VIPR2: variants seen among roughly 807,000 people sequenced by gnomAD.
VIPR2 encodes vasoactive intestinal polypeptide receptor 2.
Under a neutral mutation model 58.0 loss-of-function variants are expected in VIPR2, and 48 were observed. The observed-to-expected ratio is 0.83, with a 90% confidence interval of 0.66 to 1.05. The LOEUF (loss-of-function observed/expected upper bound fraction) is 1.05. Ranked by LOEUF, VIPR2 falls within the 50% of genes least tolerant of loss-of-function variation. The probability of loss-of-function intolerance (pLI) is 0.00; values close to 1 mark genes in which losing one functional copy is unlikely to be tolerated. For synonymous variants in VIPR2, 243 were observed against 235.2 expected (o/e 1.03, Z -0.30); for missense variants, 534 against 558.0 (o/e 0.96, Z 0.43).
At chr7:159,044,603 A>C (rs200949701) in intron 5 of VIPR2, among the ~76,000 whole-genome samples, 6 of 144,966 alleles carry the variant, frequency 4.1e-5, no homozygotes, top group South Asian at 4.4e-4. Context: ...AAAAAAAAAA[A>C]CCTAAAACAA....
intron 4 of VIPR2, among the ~76,000 whole-genome samples, chr7:159,089,749 C>A (rs1190304797): frequency 6.6e-6 from 1 of 152,202 alleles, no homozygotes; most frequent in Non-Finnish European, 1.5e-5. Context: ...ACAAAAAGTG[C>A]ACGGGACCCT....
At chr7:159,120,052 T>G (rs1192751321) in intron 2 of VIPR2, among the ~76,000 whole-genome samples, 1 of 152,134 alleles carries the variant, frequency 6.6e-6, no homozygotes. Context: ...AGCTTGTCCC[T>G]GGTGGCATCT....
chr7:159,083,020 G>A (rs1856992012), intron 4 of VIPR2, among the ~76,000 whole-genome samples: 1 of 152,190 alleles, frequency 6.6e-6, no homozygotes, highest in Non-Finnish European at 1.5e-5. Context: ...TTCAAGAATA[G>A]AGCAGAAGGG....
Position 159,137,721 on chromosome 7 carries a change from T to C in VIPR2, c.151+4725A>G, listed in dbSNP as rs1488365450. ...CCAACCAATAAACAGTTATTAATTA[T>C]TTAAATATCCAAGACGAGGAAATGA... On this transcript the variant is annotated intron_variant, in intron 2 of 12. Coordinates refer to ENST00000262178, the MANE Select transcript of VIPR2 (RefSeq NM_003382.5). 3.9e-5 allele frequency among the ~76,000 whole-genome samples: 6 copies of C among 152,312 alleles called. No homozygotes were observed. In the East Asian group the frequency reaches 1.2e-3, roughly 29 times the overall value.
At chr7:159,061,756 C>T (rs551955150) in intron 4 of VIPR2, among the ~76,000 whole-genome samples, 14 of 152,350 alleles carry the variant, frequency 9.2e-5, no homozygotes, top group African/African-American at 3.4e-4. Context: ...GTTGAGAAAG[C>T]GGGAGAAGCC....
Position 159,038,040 on chromosome 7 carries a change from A to G in VIPR2, c.598-1138T>C, listed in dbSNP as rs549301087. ...TATCCCTATAAATATATACGGGTGAATATACTTTTTTATATATGGGTGGGT... is the reference window on the plus strand; with the variant it reads ...TATCCCTATAAATATATACGGGTGAGTATACTTTTTTATATATGGGTGGGT... On this transcript the variant is annotated intron_variant, in intron 6 of 12. Coordinates refer to ENST00000262178, the MANE Select transcript of VIPR2 (RefSeq NM_003382.5). Among the ~76,000 whole-genome samples, 3 of 152,298 alleles carry G rather than the reference A, an allele frequency of 2.0e-5. No individual in the cohort carries two copies. In the South Asian group the frequency reaches 6.2e-4, roughly 32 times the overall value.
At chr7:159,112,646 AC>A in intron 2 of VIPR2, among the ~76,000 whole-genome samples, 1 of 145,258 alleles carries the variant, frequency 6.9e-6, no homozygotes, top group South Asian at 2.1e-4. Context: ...AACCGACGGG[AC>A]CCGGCCGAGA....
In VIPR2 at chr7:159,030,675, G is replaced by A. The variant is rs1230065933; in HGVS notation, c.1258C>T (p.Gln420Ter). The A allele has an allele frequency of 1.9e-6, 3 of 1,567,044 alleles. No homozygotes were observed. Among genetic ancestry groups the A allele is most frequent in the Non-Finnish European group, 2.6e-6 (3 of 1,157,576 alleles). The change falls in exon 13 of 13, where the codon CAG (glutamine) becomes TAG (stop). Residue 420 changes from glutamine to a stop codon, truncating the protein, a stop_gained. Coordinates refer to ENST00000262178, the MANE Select transcript of VIPR2 (RefSeq NM_003382.5). LOFTEE classifies it high-confidence loss of function. ...FSRNGSEGAL[Q>*]FHRGSRAQSF... ...TGGGCGCGGGAGCCGCGGTGGAACT[G>A]CAGGGCGCCCTCCGAGCCGTTGCGG...
Position 159,036,087 on chromosome 7 carries a change from A to G in VIPR2, c.749-75T>C, listed in dbSNP as rs1853933376. 2.6e-6 allele frequency: 4 copies of G among 1,520,230 alleles called. No individual in the cohort carries two copies. In the African/African-American group the frequency reaches 4.1e-5, roughly 16 times the overall value. 94.2% of individuals were successfully genotyped at this position (1,520,230 alleles called of 1,614,324 possible). On this transcript the variant is annotated intron_variant, in intron 7 of 12. Coordinates refer to ENST00000262178, the MANE Select transcript of VIPR2 (RefSeq NM_003382.5). Reference sequence around the variant, plus strand: ...ACACAGGTGGGTGCCTTCACCAGCAAAACCCTCAAGGACACGCTTTCTCAC... The same window carrying G: ...ACACAGGTGGGTGCCTTCACCAGCAGAACCCTCAAGGACACGCTTTCTCAC...
intron 4 of VIPR2, among the ~76,000 whole-genome samples, chr7:159,083,680 T>C (rs1857027546): frequency 6.6e-6 from 1 of 152,220 alleles, no homozygotes; most frequent in African/African-American, 2.4e-5. Context: ...AGGCCAGGTC[T>C]GGTGGACACG....
At position 159,028,967 on chromosome 7, in the gene VIPR2, C is replaced by T. The variant is rs1469618354; in HGVS notation, c.*1649G>A. The T allele has an allele frequency of 6.6e-6, 1 of 152,580 alleles. No homozygotes were observed. Among genetic ancestry groups the T allele is most frequent in the Non-Finnish European group, 1.5e-5 (1 of 68,338 alleles). The allele number at this position is 152,580 out of a possible 1,614,324, so 9.5% of individuals were successfully genotyped here. Reference sequence around the variant, plus strand: ...CCGGCGTGGCCCAGGGTGTGCAGGACAGGGTGCGGACCTTTGGGGATTGAG... The same window carrying T: ...CCGGCGTGGCCCAGGGTGTGCAGGATAGGGTGCGGACCTTTGGGGATTGAG... On this transcript the variant is annotated 3_prime_UTR_variant, in exon 13 of 13. Coordinates refer to ENST00000262178, the MANE Select transcript of VIPR2 (RefSeq NM_003382.5).
chr7:159,088,043 C>A (rs557510074), intron 4 of VIPR2, among the ~76,000 whole-genome samples: 3 of 152,246 alleles, frequency 2.0e-5, no homozygotes, highest in Admixed American at 6.5e-5. Flanking sequence ...GGGCCCCAAT[C>A]GGTGCCCACC....
intron 4 of VIPR2, among the ~76,000 whole-genome samples, chr7:159,085,846 C>T (rs1490362193): frequency 6.6e-6 from 1 of 152,072 alleles, no homozygotes; most frequent in African/African-American, 2.4e-5. Flanking sequence ...TTGCCAGGGG[C>T]TGGGGAAGGA....
rs373116728 is a variant in VIPR2 at position 159,036,059 on chromosome 7, C to A, written c.749-47G>T. ...CACAGGTGGAGCGGAGCGGTGTGCA[C>A]GCACACAGGTGGGTGCCTTCACCAG... On this transcript the variant is annotated intron_variant, in intron 7 of 12. Coordinates refer to ENST00000262178, the MANE Select transcript of VIPR2 (RefSeq NM_003382.5). 8.8e-6 allele frequency: 14 copies of A among 1,585,140 alleles called. No homozygotes were observed. The East Asian group carries it at 1.8e-4, about 21-fold the overall frequency.
At chr7:159,045,349 T>TA (rs755259454) in intron 5 of VIPR2, among the ~76,000 whole-genome samples, 1 of 152,192 alleles carries the variant, frequency 6.6e-6, no homozygotes, top group Non-Finnish European at 1.5e-5. Context: ...ATTTCAAACT[T>TA]ACTACAGACT....
At chr7:159,050,421 C>T (rs1005673408) in intron 5 of VIPR2, among the ~76,000 whole-genome samples, 1 of 148,326 alleles carries the variant, frequency 6.7e-6, no homozygotes. Flanking sequence ...TGTTTTAAGA[C>T]ATGGACTATA....
chr7:159,090,955 C>T (rs1585465461), intron 4 of VIPR2, among the ~76,000 whole-genome samples: 1 of 135,576 alleles, frequency 7.4e-6, no homozygotes, highest in Admixed American at 7.4e-5. Flanking sequence ...GCTGGGATCA[C>T]GCACAGGGGC....
At position 159,034,234 on chromosome 7, in the gene VIPR2, C is replaced by T. The variant is rs1437490625; in HGVS notation, c.950G>A (p.Gly317Asp). 4 of 1,613,934 alleles carry T rather than the reference C, an allele frequency of 2.5e-6. No homozygotes were observed. Among genetic ancestry groups the T allele is most frequent in the Admixed American group, 3.3e-5 (2 of 60,010 alleles). The change falls in exon 10 of 13, where the codon GGC becomes GAC. Residue 317 changes from glycine to aspartate, a missense_variant. Around this residue, in one of 3 missense-constraint regions of VIPR2, gnomAD observed 306 missense variants for 285.8 expected, o/e 1.07. Coordinates refer to ENST00000262178, the MANE Select transcript of VIPR2 (RefSeq NM_003382.5). Reference protein sequence around the residue: ...LQKLTSPDVGGNDQSQYKRLA... With the variant: ...LQKLTSPDVGDNDQSQYKRLA... ...TCACTTGTACTGAGACTGGTCGTTG[C>T]CGCCGACATCTGGGGATGTTAACTT... is the stretch of plus-strand genomic sequence containing the variant.
rs1858072001 is a variant in VIPR2, at chr7:159,099,414, G to C, written c.357+4343C>G. Among the ~76,000 whole-genome samples the C allele has an allele frequency of 6.6e-6, 1 of 152,196 alleles. No homozygotes were observed. The highest frequency in any genetic ancestry group is 2.1e-4 in the South Asian group (1 of 4,830). ...GTCCCTGGGATGCCTCACAGGGTGT[G>C]CCCAGGAGGAGACAGGAGATAAGGA... On this transcript the variant is annotated intron_variant, in intron 4 of 12. Transcript: ENST00000262178. The surrounding 1 kb of genome is among the most constrained non-coding windows in gnomAD (Gnocchi z 4.2).
Sources: allele counts gnomAD v4.1 joint callset (sites outside exome capture counted in the v4.1 genomes callset), GRCh38; gene constraint gnomAD v4.1.1; regional missense constraint gnomAD v4.1.1; non-coding constraint Gnocchi (gnomAD v3.1); transcripts MANE v1.5; gene names NCBI Gene and HGNC (gene_info 2026-07-23, HGNC 2026-07-21).